IQGAP2: variants seen among roughly 807,000 people sequenced by gnomAD.
IQGAP2 encodes IQ motif containing GTPase activating protein 2.
In IQGAP2, 173 loss-of-function variants were observed where a neutral mutation model predicts 201.3. That is an observed-to-expected ratio of 0.86 (90% CI 0.76 to 0.98). The LOEUF (loss-of-function observed/expected upper bound fraction) is 0.98. Ranked by LOEUF, IQGAP2 falls within the 50% of genes least tolerant of loss-of-function variation. IQGAP2 has a pLI of 0.00. For synonymous variants in IQGAP2, 675 were observed against 673.9 expected, an observed-to-expected ratio of 1.00 and a Z score of -0.03; for missense variants, 1,687 against 1,864.8, an observed-to-expected ratio of 0.90 and a Z score of 1.76.
intron 2 of IQGAP2, among the ~76,000 whole-genome samples, chr5:76,534,462 C>T (rs532902908): frequency 6.6e-6 from 1 of 152,338 alleles, no homozygotes; most frequent in South Asian, 2.1e-4. Context: ...CAGTTGTAGG[C>T]AACTTACTCA....
At chr5:76,538,856 G>A (rs1759773065) in intron 2 of IQGAP2, among the ~76,000 whole-genome samples, 2 of 152,154 alleles carry the variant, frequency 1.3e-5, no homozygotes, top group African/African-American at 4.8e-5. Flanking sequence ...GATGGAAATG[G>A]GGAGCAAGGG....
intron 3 of IQGAP2, among the ~76,000 whole-genome samples, chr5:76,569,130 T>C (rs1580478746): frequency 6.6e-6 from 1 of 152,226 alleles, no homozygotes; most frequent in Non-Finnish European, 1.5e-5. Context: ...AGTTAATTTT[T>C]GCCTTCCAAA....
chr5:76,403,570 C>A lies in IQGAP2; in HGVS notation c.25C>A (p.Leu9Met). MPHEELPS[L>M]QRPRYGSIVD... ...GATGCCACACGAAGAGCTGCCGTCG[C>A]TGCAGAGACCCCGCTATGGCTGTAA... The change falls in exon 1 of 36, where the codon CTG (leucine) becomes ATG (methionine). Residue 9 changes from leucine to methionine, a missense_variant. Coordinates refer to ENST00000274364, the MANE Select transcript of IQGAP2 (RefSeq NM_006633.5). This position sits in a 1 kb window ranked among gnomAD's most constrained non-coding sequence, Gnocchi z 4.8. 3.9e-6 allele frequency: 6 copies of A among 1,542,624 alleles called. No homozygotes were observed. Among genetic ancestry groups the A allele is most frequent in the Non-Finnish European group, 5.2e-6 (6 of 1,150,062 alleles).
At chr5:76,564,007 G>A (rs575894034) in intron 3 of IQGAP2, among the ~76,000 whole-genome samples, 1 of 149,452 alleles carries the variant, frequency 6.7e-6, no homozygotes, top group South Asian at 2.1e-4. Flanking sequence ...GGTCAAAAAG[G>A]TCACTGAGCA....
rs577801984 is a variant in IQGAP2, at chr5:76,536,169, A to G, written c.147-26227A>G. 4.0e-3 allele frequency among the ~76,000 whole-genome samples: 599 copies of G among 148,436 alleles called. 14 individuals are homozygous for G. The highest frequency in any genetic ancestry group is 0.038 in the Admixed American group (548 of 14,580). ...CTGCAACCTCCACCTCCTGGGTTCA[A>G]GCGATTGTCCTGCCTCAGCCTCCCA... On this transcript the variant is annotated intron_variant, in intron 2 of 35. Transcript: ENST00000274364.
chr5:76,560,959 A>T (rs1744324205), intron 2 of IQGAP2, among the ~76,000 whole-genome samples: 1 of 152,244 alleles, frequency 6.6e-6, no homozygotes, highest in Admixed American at 6.5e-5. Context: ...TAACAACAGT[A>T]ACTAATAATA....
chr5:76,618,468 A>ACAT (rs1554075610), intron 13 of IQGAP2: 1 of 1,614,068 alleles, frequency 6.2e-7, no homozygotes, highest in African/African-American at 1.3e-5. Context: ...AGCATTTTTC[A>ACAT]CATGGAGATG....
At chr5:76,649,731 C>T (rs941110001) in intron 17 of IQGAP2, among the ~76,000 whole-genome samples, 3 of 152,164 alleles carry the variant, frequency 2.0e-5, no homozygotes, top group African/African-American at 4.8e-5. Context: ...CTAGGCAATG[C>T]CCCAGTGGGG....
chr5:76,418,593 CGAAAAA>C (rs1412743021), intron 1 of IQGAP2, among the ~76,000 whole-genome samples: 1 of 146,264 alleles, frequency 6.8e-6, no homozygotes, highest in Non-Finnish European at 1.5e-5. Flanking sequence ...GACTCCATCT[CGAAAAA>C]AAAAAAAAAA....
rs575870663 is a variant in IQGAP2, at chr5:76,593,970, T to C, written c.907+1045T>C. On this transcript the variant is annotated intron_variant, in intron 9 of 35. Coordinates refer to ENST00000274364, the MANE Select transcript of IQGAP2 (RefSeq NM_006633.5). The stretch of plus-strand genomic sequence containing the variant: ...ATTAAGGAAAGCCCCAGAGGGTTAA[T>C]GTAAATGTCTAGGAGTTAACAACTG... Among the ~76,000 whole-genome samples, 2 of 152,352 alleles carry C rather than the reference T, an allele frequency of 1.3e-5. 1 individual carries two copies. Among genetic ancestry groups the C allele is most frequent in the South Asian group, 4.1e-4 (2 of 4,830 alleles).
chr5:76,699,751 T>C (rs1747150421), intron 33 of IQGAP2, among the ~76,000 whole-genome samples: 1 of 32,374 alleles, frequency 3.1e-5, no homozygotes, highest in Non-Finnish European at 6.2e-5. Flanking sequence ...CTCACTCTCG[T>C]GCTCTCTCTC....
Position 76,641,660 on chromosome 5 carries a change from CAGG to C in IQGAP2, c.2094+560_2094+562del, listed in dbSNP as rs1254342836. Among the ~76,000 whole-genome samples the C allele has an allele frequency of 3.9e-5, 6 of 152,258 alleles. No individual in the cohort carries two copies. In the East Asian group the frequency reaches 9.6e-4, roughly 24 times the overall value. On this transcript the variant is annotated intron_variant, in intron 17 of 35. Transcript: ENST00000274364. ...TGACTTGTCTAAACTTTCTGATTGG[CAGG>C]AGAATTTGCCAGGTTTAGATGTTTC...
chr5:76,590,250 T>C (rs1307947114), intron 7 of IQGAP2, among the ~76,000 whole-genome samples, 158 bp from the exon 8 acceptor site: 3 of 152,240 alleles, frequency 2.0e-5, no homozygotes, highest in Admixed American at 6.5e-5. Flanking sequence ...GGAGAGGTTG[T>C]CAGGTGCTCC....
At chr5:76,554,307 A>G (rs549343982) in intron 2 of IQGAP2, among the ~76,000 whole-genome samples, 1 of 152,340 alleles carries the variant, frequency 6.6e-6, no homozygotes, top group South Asian at 2.1e-4. Context: ...AAAAGAAGAA[A>G]TAGATAAATG....
At chr5:76,631,047 C>T (rs554662775) in intron 14 of IQGAP2, among the ~76,000 whole-genome samples, 76 of 152,254 alleles carry the variant, frequency 5.0e-4, no homozygotes, top group African/African-American at 1.8e-3. Flanking sequence ...AGAAAGCATC[C>T]GTGTCTCCCT....
At chr5:76,592,729 A>G (rs532362949) in intron 8 of IQGAP2, 109 bp from the exon 9 acceptor site, 1 of 747,876 alleles carries the variant, frequency 1.3e-6, no homozygotes, top group East Asian at 2.5e-5. Flanking sequence ...CAATGAATTT[A>G]AATAATTAGG....
intron 16 of IQGAP2, 52 bp from the exon 17 acceptor site, chr5:76,640,881 G>T (rs1580696765): frequency 7.7e-7 from 1 of 1,291,324 alleles, no homozygotes; most frequent in Non-Finnish European, 1.1e-6. Context: ...TATTCTATGT[G>T]TGCCTTTCAG....
intron 2 of IQGAP2, among the ~76,000 whole-genome samples, chr5:76,483,609 C>G (rs1301220067): frequency 6.6e-6 from 1 of 152,142 alleles, no homozygotes; most frequent in South Asian, 2.1e-4. Flanking sequence ...TCGAGTCAAG[C>G]ACATAAAAGG....
intron 2 of IQGAP2, among the ~76,000 whole-genome samples, chr5:76,499,918 A>G (rs1001550925): frequency 4.6e-5 from 7 of 152,060 alleles, no homozygotes; most frequent in Admixed American, 4.6e-4. Context: ...CCAGCCTGGG[A>G]AGCATAGTGA....
Sources: allele counts gnomAD v4.1 joint callset (sites outside exome capture counted in the v4.1 genomes callset), GRCh38; gene constraint gnomAD v4.1.1; non-coding constraint Gnocchi (gnomAD v3.1); transcripts MANE v1.5; gene names NCBI Gene and HGNC (gene_info 2026-07-23, HGNC 2026-07-21).